Variants in GBE1 observed in about 807,000 individuals in gnomAD.
GBE1 encodes the protein 1,4-alpha-glucan-branching enzyme.
A neutral mutation model predicts 88.8 loss-of-function variants in GBE1; 70 were observed. The observed-to-expected ratio is 0.79, with a 90% CI of 0.65 to 0.96. The LOEUF is 0.96. GBE1 is among the 40% of genes least tolerant of loss of function. The probability of loss-of-function intolerance (pLI) is 0.00; values close to 1 mark genes in which losing one functional copy is unlikely to be tolerated. For missense variants in GBE1, 872 were observed against 871.0 expected, an observed-to-expected ratio of 1.00 and a Z score of -0.01; for synonymous variants, 284 against 300.1, an observed-to-expected ratio of 0.95 and a Z score of 0.56.
At chr3:81,743,930 T>C (rs1706386682) in intron 1 of GBE1, among the ~76,000 whole-genome samples, 1 of 152,124 alleles carries the variant, frequency 6.6e-6, no homozygotes, top group African/African-American at 2.4e-5. Flanking sequence ...TAACATATCA[T>C]CTACTTATTT....
At chr3:81,740,766 G>GCACACACACACACACA (rs71633686) in intron 1 of GBE1, among the ~76,000 whole-genome samples, 9 of 149,308 alleles carry the variant, frequency 6.0e-5, no homozygotes, top group South Asian at 2.1e-4. Flanking sequence ...GTTAGAAAGT[G>GCACACACACACACACA]CACACACACA....
intron 14 of GBE1, among the ~76,000 whole-genome samples, chr3:81,529,052 CTTG>C (rs1702983135): frequency 6.6e-6 from 1 of 151,660 alleles, no homozygotes; most frequent in Non-Finnish European, 1.5e-5. Context: ...TCTTGTCTTC[CTTG>C]TTGTGAAATT....
chr3:81,567,991 T>C (rs1445903528), intron 12 of GBE1, among the ~76,000 whole-genome samples: 1 of 152,226 alleles, frequency 6.6e-6, no homozygotes, highest in East Asian at 1.9e-4. Context: ...TAAGTTACAG[T>C]GACACTAGTC....
intron 8 of GBE1, among the ~76,000 whole-genome samples, chr3:81,591,805 C>G (rs1213820787): frequency 6.6e-6 from 1 of 151,942 alleles, no homozygotes; most frequent in South Asian, 2.1e-4. Context: ...CAAATTTGTG[C>G]TCAATATCAG....
At chr3:81,616,651 T>C (rs1214133765) in intron 7 of GBE1, among the ~76,000 whole-genome samples, 2 of 152,132 alleles carry the variant, frequency 1.3e-5, no homozygotes, top group Non-Finnish European at 2.9e-5. Flanking sequence ...TATTCCACTT[T>C]TACAAGATTG....
At chr3:81,511,245 A>G (rs1488498605) in intron 14 of GBE1, among the ~76,000 whole-genome samples, 3 of 152,046 alleles carry the variant, frequency 2.0e-5, no homozygotes, top group African/African-American at 7.2e-5. Flanking sequence ...CCTAGGAAAT[A>G]CCTTTCTTGA....
intron 12 of GBE1, among the ~76,000 whole-genome samples, chr3:81,575,666 C>A (rs1359551746): frequency 6.6e-6 from 1 of 152,006 alleles, no homozygotes; most frequent in Admixed American, 6.6e-5. Context: ...AGTAAACAAT[C>A]AAGTTGTTTC....
intron 1 of GBE1, among the ~76,000 whole-genome samples, chr3:81,732,243 A>C (rs1706198232): frequency 6.6e-6 from 1 of 152,186 alleles, no homozygotes; most frequent in Non-Finnish European, 1.5e-5. Context: ...AATCAAGATG[A>C]CTGTCCCTCA....
intron 1 of GBE1, among the ~76,000 whole-genome samples, chr3:81,753,362 G>C (rs1457754943): frequency 2.6e-5 from 4 of 152,104 alleles, no homozygotes; most frequent in Non-Finnish European, 5.9e-5. Flanking sequence ...ACAATGAAAG[G>C]TACCTGGTAG....
intron 7 of GBE1, among the ~76,000 whole-genome samples, chr3:81,607,893 T>C (rs1352733188): frequency 1.3e-5 from 2 of 152,200 alleles, no homozygotes; most frequent in African/African-American, 4.8e-5. Flanking sequence ...TTTTTTGTAT[T>C]TGTTATTATT....
At chr3:81,667,371 T>C (rs1410202961) in intron 3 of GBE1, among the ~76,000 whole-genome samples, 5 of 152,186 alleles carry the variant, frequency 3.3e-5, no homozygotes, top group African/African-American at 7.2e-5. Flanking sequence ...TTTGTAAATA[T>C]AGAAACATGT....
chr3:81,650,835 T>TG (rs1246353972), intron 3 of GBE1, among the ~76,000 whole-genome samples: 79 of 151,120 alleles, frequency 5.2e-4, no homozygotes, highest in African/African-American at 1.5e-3. Flanking sequence ...CAGCTAATTT[T>TG]GGGGGGGTCT....
intron 12 of GBE1, among the ~76,000 whole-genome samples, chr3:81,568,350 G>C (rs9833112): frequency 1.6e-4 from 25 of 152,120 alleles, no homozygotes; most frequent in African/African-American, 6.0e-4. Flanking sequence ...GTTTCATCAC[G>C]CTGGCCAGGC....
intron 7 of GBE1, among the ~76,000 whole-genome samples, chr3:81,616,997 AGT>A (rs1704256861): frequency 6.6e-6 from 1 of 151,838 alleles, no homozygotes; most frequent in Non-Finnish European, 1.5e-5. Context: ...GGAGAGAATA[AGT>A]GTTTATAAAT....
chr3:81,728,545 AC>A (rs1363077051), intron 1 of GBE1, among the ~76,000 whole-genome samples: 1 of 152,180 alleles, frequency 6.6e-6, no homozygotes, highest in African/African-American at 2.4e-5. Context: ...GCAGTGGATA[AC>A]CAGTCTAGTC....
At chr3:81,522,002 T>G (rs910097151) in intron 14 of GBE1, among the ~76,000 whole-genome samples, 1 of 151,622 alleles carries the variant, frequency 6.6e-6, no homozygotes, top group South Asian at 2.1e-4. Context: ...TATGTCATAC[T>G]TGCCAGACCG....
At chr3:81,512,807 C>A (rs1258899214) in intron 14 of GBE1, among the ~76,000 whole-genome samples, 3 of 151,620 alleles carry the variant, frequency 2.0e-5, no homozygotes, top group Admixed American at 6.6e-5. Context: ...TAAAAGTATT[C>A]GCATATTGTA....
At chr3:81,585,543 C>T (rs926348269) in intron 10 of GBE1, among the ~76,000 whole-genome samples, 1 of 151,822 alleles carries the variant, frequency 6.6e-6, no homozygotes, top group South Asian at 2.1e-4. Flanking sequence ...ACTACTTGAA[C>T]TGTCATTAAA....
At chr3:81,513,303 C>A (rs575105408) in intron 14 of GBE1, among the ~76,000 whole-genome samples, 1 of 151,496 alleles carries the variant, frequency 6.6e-6, no homozygotes, top group African/African-American at 2.4e-5. Flanking sequence ...GAAAGGTGGG[C>A]AAATAGTACA....
Sources: allele counts gnomAD v4.1 joint callset (sites outside exome capture counted in the v4.1 genomes callset), GRCh38; gene constraint gnomAD v4.1.1; transcripts MANE v1.5; gene names NCBI Gene and HGNC (gene_info 2026-07-23, HGNC 2026-07-21).